Variants in VPS53 observed in about 807,000 individuals in gnomAD.
VPS53 encodes the protein vacuolar protein sorting-associated protein 53 homolog.
Under a neutral mutation model 107.0 loss-of-function variants are expected in VPS53, and 70 were observed. The observed-to-expected ratio is 0.65, with a 90% CI of 0.54 to 0.80. The LOEUF is 0.80. VPS53 is among the 30% of genes least tolerant of loss of function. VPS53 has a pLI of 0.00. For missense variants in VPS53, 917 were observed against 1,049.4 expected, an observed-to-expected ratio of 0.87 and a Z score of 1.74; for synonymous variants, 409 against 393.3, an observed-to-expected ratio of 1.04 and a Z score of -0.47.
chr17:599,760 A>T (rs1028709124), intron 12 of VPS53, among the ~76,000 whole-genome samples: 5 of 120,792 alleles, frequency 4.1e-5, no homozygotes, highest in East Asian at 3.7e-4. Flanking sequence ...AAAAATAAAT[A>T]AATTAAAAAA....
At chr17:684,082 T>C (rs572819485) in intron 4 of VPS53, among the ~76,000 whole-genome samples, 3 of 152,284 alleles carry the variant, frequency 2.0e-5, no homozygotes, top group South Asian at 4.1e-4. Flanking sequence ...AGTGACAATA[T>C]GACTGTGATA....
At chr17:693,273 A>G (rs1972836943) in intron 4 of VPS53, among the ~76,000 whole-genome samples, 1 of 152,188 alleles carries the variant, frequency 6.6e-6, no homozygotes, top group Admixed American at 6.5e-5. Context: ...TTTTATTTTC[A>G]GTTATTGTGG....
intron 17 of VPS53, among the ~76,000 whole-genome samples, chr17:539,690 G>A (rs1206497240): frequency 1.3e-5 from 2 of 152,172 alleles, no homozygotes; most frequent in Non-Finnish European, 2.9e-5. Context: ...GCTGATGCTT[G>A]CCATCATCCC....
At chr17:530,064 T>A (rs1479524669) in intron 19 of VPS53, among the ~76,000 whole-genome samples, 2 of 152,008 alleles carry the variant, frequency 1.3e-5, no homozygotes, top group African/African-American at 4.8e-5. Context: ...TGTTCATTTT[T>A]AAATTGTTTG....
chr17:698,227 G>A (rs1443288673), intron 3 of VPS53, among the ~76,000 whole-genome samples: 1 of 152,174 alleles, frequency 6.6e-6, no homozygotes, highest in Non-Finnish European at 1.5e-5. Context: ...GAGGCTAGGA[G>A]TTCAAGACCA....
At chr17:711,188 C>A (rs568373234) in intron 1 of VPS53, among the ~76,000 whole-genome samples, 3 of 152,072 alleles carry the variant, frequency 2.0e-5, no homozygotes, top group Non-Finnish European at 2.9e-5. Flanking sequence ...CCAGCCTGGG[C>A]GACAGAGTGA....
chr17:714,306 A>C (rs1356689613), intron 1 of VPS53: 1 of 364,596 alleles, frequency 2.7e-6, no homozygotes, highest in Non-Finnish European at 5.0e-6. Flanking sequence ...TGAAGCCCCC[A>C]CAGTCCCCAG....
intron 13 of VPS53, among the ~76,000 whole-genome samples, chr17:573,204 G>A (rs985841612): frequency 6.6e-6 from 1 of 152,206 alleles, no homozygotes; most frequent in Non-Finnish European, 1.5e-5. Flanking sequence ...ATAGAATGGG[G>A]TAAAGAAAGT....
intron 4 of VPS53, among the ~76,000 whole-genome samples, chr17:680,500 A>G (rs1462549637): frequency 1.3e-5 from 2 of 152,202 alleles, no homozygotes; most frequent in Admixed American, 6.5e-5. Context: ...AAAGAAGGAA[A>G]AAAAAACTTA....
chr17:588,847 T>A (rs1967476475), intron 12 of VPS53, among the ~76,000 whole-genome samples: 1 of 152,172 alleles, frequency 6.6e-6, no homozygotes, highest in Non-Finnish European at 1.5e-5. Flanking sequence ...AGATGAAGGA[T>A]CTATGATGGA....
rs2279889 is a variant in VPS53, at chr17:668,687, T to C, written c.286-6792A>G. Among the ~76,000 whole-genome samples the C allele has an allele frequency of 6.2e-4, 95 of 152,322 alleles. 1 individual carries two copies. The East Asian group carries it at 0.016, about 25-fold the overall frequency. The stretch of plus-strand genomic sequence containing the variant: ...ATGTCATGTTATGGTGACATGCTAA[T>C]GGGACCATAGCTACTGTGTTCTAGA... On this transcript the variant is annotated intron_variant, in intron 4 of 21. Transcript: ENST00000437048.
In VPS53 at chr17:657,359, G is replaced by A. The variant is rs143421272; in HGVS notation, c.373-1406C>T. On this transcript the variant is annotated intron_variant, in intron 5 of 21. Transcript: ENST00000437048. ...TTATATCAGTTCGGACCGTGCCATC[G>A]ATCTTAATGAACCGCTGCATGCAAA... 130 of 768,584 alleles carry A rather than the reference G, an allele frequency of 1.7e-4. No individual in the cohort carries two copies. The African/African-American group carries it at 1.9e-3, about 11-fold the overall frequency. The allele number at this position is 768,584 out of a possible 1,614,324, so 47.6% of individuals were successfully genotyped here.
intron 4 of VPS53, among the ~76,000 whole-genome samples, chr17:668,487 C>G (rs1403654071): frequency 6.6e-6 from 1 of 152,194 alleles, no homozygotes; most frequent in African/African-American, 2.4e-5. Context: ...TAAGTATTCT[C>G]TATTTGGCTT....
intron 13 of VPS53, among the ~76,000 whole-genome samples, chr17:576,842 C>A (rs1335903091): frequency 1.3e-5 from 2 of 149,242 alleles, no homozygotes; most frequent in South Asian, 2.2e-4. Context: ...TCCCTCAGAA[C>A]CTCAGTGCAT....
chr17:658,744 C>T (rs564938475), intron 5 of VPS53, among the ~76,000 whole-genome samples: 74 of 142,016 alleles, frequency 5.2e-4, no homozygotes, highest in African/African-American at 1.8e-3. Context: ...GACACTCGGC[C>T]GTGAGTTCGT....
chr17:621,929 T>C (rs1251164392), intron 11 of VPS53, among the ~76,000 whole-genome samples: 2 of 152,132 alleles, frequency 1.3e-5, no homozygotes, highest in Non-Finnish European at 2.9e-5. Flanking sequence ...TATTAAAGGA[T>C]AGGTGGGCAT....
chr17:536,650 G>A (rs972333246), intron 18 of VPS53: 3 of 190,368 alleles, frequency 1.6e-5, no homozygotes, highest in Non-Finnish European at 3.3e-5. Context: ...AGAACAAACC[G>A]CAGCTGGATG....
intron 11 of VPS53, among the ~76,000 whole-genome samples, chr17:613,558 A>G (rs1476809517): frequency 6.6e-6 from 1 of 150,980 alleles, no homozygotes; most frequent in Non-Finnish European, 1.5e-5. Flanking sequence ...CTGTACAGAT[A>G]TTCACAGCAG....
At chr17:697,957 A>G (rs1031761022) in intron 3 of VPS53, among the ~76,000 whole-genome samples, 1 of 152,154 alleles carries the variant, frequency 6.6e-6, no homozygotes, top group African/African-American at 2.4e-5. Context: ...TACGGCTTCC[A>G]GCTCCTCTGC....
Sources: gnomAD v4.1 joint callset for allele counts (sites outside exome capture counted in the v4.1 genomes callset) on GRCh38, gnomAD v4.1.1 for gene constraint, MANE v1.5 for transcripts, NCBI Gene and HGNC (gene_info 2026-07-23, HGNC 2026-07-21) for gene names.